The following CCDC88C variants were observed in gnomAD, a reference collection of about 807,000 sequenced individuals.
The protein encoded by CCDC88C is protein Daple.
A neutral mutation model predicts 198.8 loss-of-function variants in CCDC88C; 131 were observed. The ratio of observed to expected loss-of-function variants is 0.66; its 90% CI spans 0.57 to 0.76. The LOEUF (loss-of-function observed/expected upper bound fraction) is 0.76, where lower values mean the gene tolerates loss of function less well. CCDC88C is among the 30% of genes least tolerant of loss of function. The probability of loss-of-function intolerance (pLI) is 0.00; values close to 1 mark genes in which losing one functional copy is unlikely to be tolerated. For synonymous variants in CCDC88C, 1,166 were observed against 1,114.7 expected, an observed-to-expected ratio of 1.05 and a Z score of -0.92; for missense variants, 2,553 against 2,631.6, an observed-to-expected ratio of 0.97 and a Z score of 0.65.
chr14:91,310,974 A>T (rs1034717640), intron 15 of CCDC88C, among the ~76,000 whole-genome samples: 8 of 152,210 alleles, frequency 5.3e-5, no homozygotes, highest in African/African-American at 1.7e-4. Context: ...CAGCTCTGGC[A>T]AAGGGGATGA....
At chr14:91,293,343 CCTGT>C (rs1454974735) in intron 23 of CCDC88C, among the ~76,000 whole-genome samples, 33 of 143,544 alleles carry the variant, frequency 2.3e-4, no homozygotes, top group Middle Eastern at 4.8e-3. Flanking sequence ...AGCTCACCTT[CCTGT>C]CCCCTCGCCT....
At position 91,338,294 on chromosome 14, in the gene CCDC88C, C is replaced by T; in HGVS notation, c.892-131G>A. ...GCCAGCTCCTGGTGGCCGGGGGCCT[C>T]CATGTGCCACCACCACACGGGATCT... is the stretch of plus-strand genomic sequence containing the variant. On this transcript the variant is annotated intron_variant, in intron 9 of 29. Coordinates refer to ENST00000389857, the MANE Select transcript of CCDC88C (RefSeq NM_001080414.4). This position sits in a 1 kb window ranked among gnomAD's most constrained non-coding sequence, Gnocchi z 4.8. 2.7e-6 allele frequency: 3 copies of T among 1,109,598 alleles called. No homozygotes were observed. The highest frequency in any genetic ancestry group is 3.9e-6 in the Non-Finnish European group (3 of 773,372). 68.7% of individuals were successfully genotyped at this position (1,109,598 alleles called of 1,614,324 possible).
chr14:91,276,978 A>AT (rs1376134159), intron 29 of CCDC88C, among the ~76,000 whole-genome samples: 5 of 151,582 alleles, frequency 3.3e-5, no homozygotes, highest in African/African-American at 4.9e-5. Flanking sequence ...TTTTTATTTT[A>AT]TTTTTTCTTG....
chr14:91,291,822 A>G (rs1046817178), intron 23 of CCDC88C, among the ~76,000 whole-genome samples: 1 of 152,128 alleles, frequency 6.6e-6, no homozygotes, highest in Non-Finnish European at 1.5e-5. Context: ...GACCAAAGAG[A>G]TATCTCTTGA....
chr14:91,331,906 G>C (rs1397468086), intron 10 of CCDC88C, among the ~76,000 whole-genome samples: 1 of 151,470 alleles, frequency 6.6e-6, no homozygotes, highest in Non-Finnish European at 1.5e-5. Context: ...CTGTGCCCAG[G>C]TAGGTCTCTG....
intron 2 of CCDC88C, among the ~76,000 whole-genome samples, chr14:91,409,011 T>C (rs1041544474): frequency 6.6e-6 from 1 of 152,110 alleles, no homozygotes; most frequent in Non-Finnish European, 1.5e-5. Context: ...GTCAGTGCTG[T>C]TTCCATTCCC....
At chr14:91,416,322 A>G (rs1814643961) in intron 2 of CCDC88C, among the ~76,000 whole-genome samples, 1 of 152,220 alleles carries the variant, frequency 6.6e-6, no homozygotes, top group Non-Finnish European at 1.5e-5. Context: ...ACCCTCATCT[A>G]AAATGAAACT....
chr14:91,332,072 G>A (rs1479876633), intron 10 of CCDC88C, among the ~76,000 whole-genome samples: 1 of 152,130 alleles, frequency 6.6e-6, no homozygotes, highest in Non-Finnish European at 1.5e-5. Context: ...CGGGCTATTT[G>A]GGAGCCAGCG....
intron 2 of CCDC88C, among the ~76,000 whole-genome samples, chr14:91,414,333 T>C (rs965834665): frequency 1.3e-5 from 2 of 152,170 alleles, no homozygotes; most frequent in Non-Finnish European, 1.5e-5. Flanking sequence ...CTGAGCGACA[T>C]GCCCAGTGTC....
chr14:91,359,857 GCACGTAA>G (rs1458665720), intron 3 of CCDC88C, 146 bp from the exon 4 acceptor site: 3 of 699,130 alleles, frequency 4.3e-6, no homozygotes, highest in Non-Finnish European at 7.7e-6. Context: ...ACAGCAAGGA[GCACGTAA>G]GATGCAAACA....
chr14:91,357,200 G>A (rs1190439045), intron 4 of CCDC88C, among the ~76,000 whole-genome samples: 1 of 152,104 alleles, frequency 6.6e-6, no homozygotes, highest in Non-Finnish European at 1.5e-5. Context: ...CCCTATAAAC[G>A]GAAATGGGCG....
chr14:91,372,811 C>T (rs1894880844), intron 3 of CCDC88C, among the ~76,000 whole-genome samples: 2 of 152,074 alleles, frequency 1.3e-5, no homozygotes, highest in Non-Finnish European at 2.9e-5. Context: ...TGCCAGGTGG[C>T]CAGAAAGGCA....
chr14:91,292,624 CCA>C (rs1352009898), intron 23 of CCDC88C, among the ~76,000 whole-genome samples: 1 of 152,104 alleles, frequency 6.6e-6, no homozygotes, highest in Non-Finnish European at 1.5e-5. Flanking sequence ...TTCACTGTGA[CCA>C]CAGTGACCAC....
At chr14:91,356,054 G>A (rs1262172991) in intron 4 of CCDC88C, among the ~76,000 whole-genome samples, 1 of 152,086 alleles carries the variant, frequency 6.6e-6, no homozygotes, top group Non-Finnish European at 1.5e-5. Context: ...GCACACACAT[G>A]CCCCACCCCG....
intron 3 of CCDC88C, among the ~76,000 whole-genome samples, chr14:91,394,691 A>T (rs935725234): frequency 1.3e-5 from 2 of 152,226 alleles, no homozygotes; most frequent in African/African-American, 4.8e-5. Flanking sequence ...AAGGAATTCT[A>T]TTGCTGGTGA....
At chr14:91,386,716 C>G (rs895872941) in intron 3 of CCDC88C, among the ~76,000 whole-genome samples, 4 of 152,206 alleles carry the variant, frequency 2.6e-5, no homozygotes, top group African/African-American at 4.8e-5. Context: ...CGTGATTGTT[C>G]AAATGGGAGG....
chr14:91,281,080 C>T (rs1890176536), intron 27 of CCDC88C: 3 of 446,618 alleles, frequency 6.7e-6, no homozygotes, highest in Admixed American at 5.0e-5. Flanking sequence ...ATTTCCAAGA[C>T]TAAATACGCC....
intron 2 of CCDC88C, among the ~76,000 whole-genome samples, chr14:91,416,070 C>G (rs1887030937): frequency 1.3e-5 from 2 of 152,176 alleles, no homozygotes; most frequent in Admixed American, 1.3e-4. Flanking sequence ...TTGTGGCAAG[C>G]TGTCAATCAG....
Position 91,358,764 on chromosome 14 carries a change from AAGTTT to A in CCDC88C, c.340+873_340+877del, listed in dbSNP as rs1481429502. On this transcript the variant is annotated intron_variant, in intron 4 of 29. Transcript: ENST00000389857. ...GCGATCCTCCTGCCTCGGCCTCCCA[AAGTTT>A]TGGGGTTATAGGAGTGAGCCACTGC... Among the ~76,000 whole-genome samples, 19 of 152,070 alleles carry A rather than the reference AAGTTT, an allele frequency of 1.2e-4. 1 individual carries two copies. In the South Asian group the frequency reaches 2.5e-3, roughly 20 times the overall value.
Sources: gnomAD v4.1 joint callset for allele counts (sites outside exome capture counted in the v4.1 genomes callset) on GRCh38, gnomAD v4.1.1 for gene constraint, Gnocchi (gnomAD v3.1) non-coding constraint, MANE v1.5 for transcripts, NCBI Gene and HGNC (gene_info 2026-07-23, HGNC 2026-07-21) for gene names.